Variants in SPAG16 observed in about 807,000 individuals in gnomAD.
SPAG16 encodes sperm-associated antigen 16 protein.
SPAG16 carries 86 observed loss-of-function variants against 80.4 expected under a neutral mutation model. That is an observed-to-expected ratio of 1.07 (90% CI 0.90 to 1.28). SPAG16 has a LOEUF of 1.28. SPAG16 is among the 50% of genes most tolerant of loss of function. The pLI is 0.00. For synonymous variants in SPAG16, 294 were observed against 265.9 expected (o/e 1.11, Z -1.03); for missense variants, 870 against 765.3 (o/e 1.14, Z -1.61).
intron 13 of SPAG16, among the ~76,000 whole-genome samples, chr2:214,096,434 T>C (rs901416408): frequency 4.6e-5 from 7 of 151,898 alleles, no homozygotes; most frequent in Admixed American, 4.6e-4. Context: ...CCCCAGAGGG[T>C]TTGCTGCTTC....
chr2:213,802,797 C>G (rs1305508109), intron 10 of SPAG16, among the ~76,000 whole-genome samples: 1 of 151,942 alleles, frequency 6.6e-6, no homozygotes, highest in South Asian at 2.1e-4. Flanking sequence ...ACTTCTGTCT[C>G]TCTCTTTTTT....
intron 11 of SPAG16, among the ~76,000 whole-genome samples, chr2:213,921,269 C>A (rs922214683): frequency 3.9e-5 from 6 of 152,136 alleles, no homozygotes; most frequent in African/African-American, 1.4e-4. Flanking sequence ...ATATAGTGCT[C>A]TTCTTTAGCT....
intron 9 of SPAG16, among the ~76,000 whole-genome samples, chr2:213,379,860 C>A (rs1243902307): frequency 6.6e-6 from 1 of 152,168 alleles, no homozygotes; most frequent in African/African-American, 2.4e-5. Context: ...ACCATGGCCA[C>A]TTTATTCATG....
At chr2:214,245,472 A>G (rs1317989904) in intron 15 of SPAG16, among the ~76,000 whole-genome samples, 1 of 152,192 alleles carries the variant, frequency 6.6e-6, no homozygotes, top group African/African-American at 2.4e-5. Context: ...AGAAAATATA[A>G]GTCATTGAGC....
chr2:214,064,915 C>T (rs2050460646), intron 13 of SPAG16, among the ~76,000 whole-genome samples: 1 of 151,682 alleles, frequency 6.6e-6, no homozygotes, highest in South Asian at 2.1e-4. Context: ...TTGGAAGATT[C>T]ATATGTCTTA....
intron 12 of SPAG16, among the ~76,000 whole-genome samples, chr2:214,008,404 A>G (rs1022051331): frequency 5.3e-5 from 8 of 151,536 alleles, no homozygotes; most frequent in African/African-American, 1.5e-4. Flanking sequence ...TATGGATTAC[A>G]TTTTTACCTT....
intron 13 of SPAG16, among the ~76,000 whole-genome samples, chr2:214,073,429 G>A (rs1027512422): frequency 5.3e-5 from 8 of 151,750 alleles, no homozygotes; most frequent in African/African-American, 1.9e-4. Flanking sequence ...TAGAGACGGG[G>A]TTTCACCATG....
intron 1 of SPAG16, among the ~76,000 whole-genome samples, chr2:213,294,942 G>T (rs1204886971): frequency 2.0e-5 from 3 of 152,096 alleles, no homozygotes; most frequent in Admixed American, 1.3e-4. Flanking sequence ...AGCCTCATAG[G>T]CAGGATGAGG....
chr2:214,144,808 G>C lies in SPAG16; in HGVS notation c.1594-4332G>C, dbSNP rs374188290. On this transcript the variant is annotated intron_variant, in intron 14 of 15. Coordinates refer to ENST00000331683, the MANE Select transcript of SPAG16 (RefSeq NM_024532.5). ...ATAACATACGTGTATATGAAACCCA[G>C]CAAGTTGAACCAAGAAACTACTTAG... Among the ~76,000 whole-genome samples the C allele has an allele frequency of 4.6e-5, 7 of 152,124 alleles. No homozygotes were observed. The East Asian group carries it at 1.2e-3, about 25-fold the overall frequency.
At chr2:213,712,922 G>C (rs2066065043) in intron 10 of SPAG16, among the ~76,000 whole-genome samples, 1 of 152,084 alleles carries the variant, frequency 6.6e-6, no homozygotes, top group Non-Finnish European at 1.5e-5. Context: ...AAATACCTGA[G>C]GCTGGGTAAT....
chr2:214,330,352 T>C (rs1283354096), intron 15 of SPAG16, among the ~76,000 whole-genome samples: 1 of 151,492 alleles, frequency 6.6e-6, no homozygotes, highest in African/African-American at 2.4e-5. Context: ...TTTAGCTCCA[T>C]AGGAATAGAA....
chr2:213,921,203 A>G (rs1299037576), intron 11 of SPAG16, among the ~76,000 whole-genome samples: 3 of 152,206 alleles, frequency 2.0e-5, no homozygotes, highest in Non-Finnish European at 4.4e-5. Flanking sequence ...GGTTGTGTCA[A>G]GTTGGCCATC....
chr2:213,971,023 G>A (rs965334276), intron 12 of SPAG16, among the ~76,000 whole-genome samples: 1 of 152,018 alleles, frequency 6.6e-6, no homozygotes, highest in African/African-American at 2.4e-5. Context: ...TAACAAATTG[G>A]CATCTGTTTT....
chr2:213,885,505 A>C (rs1417164106), intron 11 of SPAG16, among the ~76,000 whole-genome samples: 1 of 152,194 alleles, frequency 6.6e-6, no homozygotes, highest in African/African-American at 2.4e-5. Flanking sequence ...ATCAGTTACA[A>C]AAATTAATTA....
chr2:213,689,687 C>G (rs1360761412), intron 10 of SPAG16, among the ~76,000 whole-genome samples: 2 of 152,028 alleles, frequency 1.3e-5, no homozygotes, highest in Non-Finnish European at 2.9e-5. Context: ...TCTCACTATT[C>G]TTTTCAGGTG....
intron 10 of SPAG16, among the ~76,000 whole-genome samples, chr2:213,596,650 A>T (rs945892142): frequency 6.6e-6 from 1 of 152,204 alleles, no homozygotes; most frequent in African/African-American, 2.4e-5. Flanking sequence ...AAGGATTCTA[A>T]GTGAAACTCT....
chr2:213,403,407 G>C (rs1481492268), intron 9 of SPAG16, among the ~76,000 whole-genome samples: 1 of 152,066 alleles, frequency 6.6e-6, no homozygotes, highest in African/African-American at 2.4e-5. Context: ...AGTTTCTTTT[G>C]TTGTGCAGAA....
chr2:213,602,092 C>T (rs2061086965), intron 10 of SPAG16, among the ~76,000 whole-genome samples: 1 of 152,224 alleles, frequency 6.6e-6, no homozygotes, highest in Non-Finnish European at 1.5e-5. Context: ...AATGCTCACC[C>T]TTGCCTGCCA....
chr2:213,950,874 A>G (rs975297115), intron 12 of SPAG16, among the ~76,000 whole-genome samples: 1 of 151,038 alleles, frequency 6.6e-6, no homozygotes, highest in Non-Finnish European at 1.5e-5. Context: ...ATGCCCTGCT[A>G]ATTTTGGGGG....
Sources: gnomAD v4.1 joint callset for allele counts (sites outside exome capture counted in the v4.1 genomes callset) on GRCh38, gnomAD v4.1.1 for gene constraint, MANE v1.5 for transcripts, NCBI Gene and HGNC (gene_info 2026-07-23, HGNC 2026-07-21) for gene names.